NF1: variants seen among roughly 807,000 people sequenced by gnomAD.
NF1 encodes the protein neurofibromin 1.
A neutral mutation model predicts 325.7 loss-of-function variants in NF1; 122 were observed. The observed-to-expected ratio is 0.37, with a 90% confidence interval of 0.32 to 0.44. The LOEUF (loss-of-function observed/expected upper bound fraction) is 0.44. Ranked by LOEUF, NF1 falls within the 20% of genes least tolerant of loss-of-function variation. The pLI, the probability that NF1 is intolerant of heterozygous loss-of-function variation, is 1.00. For synonymous variants in NF1, 1,091 were observed against 1,186.0 expected, an observed-to-expected ratio of 0.92 and a Z score of 1.65; for missense variants, 2,140 against 3,415.4, an observed-to-expected ratio of 0.63 and a Z score of 9.31.
At position 31,376,069 on chromosome 17, in the gene NF1, A is replaced by G. The variant is rs1471342823; in HGVS notation, c.*1914A>G. 8.6e-6 allele frequency: 2 copies of G among 232,874 alleles called. No homozygotes were observed. Among genetic ancestry groups the G allele is most frequent in the African/African-American group, 4.4e-5 (2 of 45,322 alleles). 14.4% of individuals were successfully genotyped at this position (232,874 alleles called of 1,614,324 possible). On this transcript the variant is annotated 3_prime_UTR_variant, in exon 58 of 58. Transcript: ENST00000358273. ...ATGACTATATAAAAAAGCTGAAATT[A>G]GAACTGTGTTTAGAAATAGATCAGT...
chr17:31,176,916 T>C (rs1265733190), intron 5 of NF1, among the ~76,000 whole-genome samples: 1 of 152,190 alleles, frequency 6.6e-6, no homozygotes, highest in East Asian at 1.9e-4. Context: ...TGTAGCCTTG[T>C]ATAGTTTGAA....
chr17:31,352,923 C>A (rs898852881), intron 51 of NF1, among the ~76,000 whole-genome samples: 9 of 151,360 alleles, frequency 5.9e-5, no homozygotes, highest in Admixed American at 2.0e-4. Context: ...TTTTTCTTTT[C>A]TTGATATGAA....
In NF1 at chr17:31,377,313, C is replaced by T. The variant is rs928891740; in HGVS notation, c.*3158C>T. On this transcript the variant is annotated 3_prime_UTR_variant, in exon 58 of 58. Transcript: ENST00000358273. Reference sequence around the variant, plus strand: ...TTTTGTAAAGCAGTTAGTTGCTGCACATGGATAACAACAAAAATTTGATTA... The same window carrying T: ...TTTTGTAAAGCAGTTAGTTGCTGCATATGGATAACAACAAAAATTTGATTA... The T allele has an allele frequency of 3.0e-5, 7 of 233,262 alleles. No homozygotes were observed. The highest frequency in any genetic ancestry group is 8.8e-5 in the African/African-American group (4 of 45,292). The allele number at this position is 233,262 out of a possible 1,614,324, so 14.4% of individuals were successfully genotyped here.
At chr17:31,309,134 C>CA (rs1316950323) in intron 36 of NF1, among the ~76,000 whole-genome samples, 13 of 152,194 alleles carry the variant, frequency 8.5e-5, no homozygotes. Context: ...CTCGAAGTGA[C>CA]AGATTGGGAG....
intron 36 of NF1, among the ~76,000 whole-genome samples, chr17:31,286,101 G>GT (rs958217869): frequency 2.6e-5 from 4 of 151,990 alleles, no homozygotes; most frequent in Non-Finnish European, 4.4e-5. Context: ...CTTTTTTGTT[G>GT]TTTTTTGTTT....
chr17:31,138,672 C>T (rs989498059), intron 1 of NF1, among the ~76,000 whole-genome samples: 20 of 151,426 alleles, frequency 1.3e-4, no homozygotes, highest in African/African-American at 4.6e-4. Context: ...CGGCTCACTG[C>T]AAGCTCCGCC....
intron 4 of NF1, 61 bp from the exon 5 acceptor site, chr17:31,169,830 G>C: frequency 1.4e-5 from 17 of 1,176,086 alleles, no homozygotes; most frequent in Non-Finnish European, 2.2e-5. Flanking sequence ...ACAGGTGTGA[G>C]ATACCACACC....
At chr17:31,192,888 G>T (rs1395295610) in intron 8 of NF1, among the ~76,000 whole-genome samples, 1 of 152,200 alleles carries the variant, frequency 6.6e-6, no homozygotes, top group Non-Finnish European at 1.5e-5. Context: ...GACCCCTTAG[G>T]TAGGAGTTTG....
chr17:31,374,462 G>T lies in NF1; in HGVS notation c.*307G>T. 1 of 467,554 alleles carries T rather than the reference G, an allele frequency of 2.1e-6. No individual in the cohort carries two copies. The highest frequency in any genetic ancestry group is 3.9e-6 in the Non-Finnish European group (1 of 253,478). The allele number at this position is 467,554 out of a possible 1,614,324, so 29.0% of individuals were successfully genotyped here. On this transcript the variant is annotated 3_prime_UTR_variant, in exon 58 of 58. Transcript: ENST00000358273. ...ACTGAGAAATCTCAATTGTAAGAGA[G>T]GATGAATTCTTGAATACTGCTACTA...
chr17:31,339,221 A>C (rs923309216), intron 46 of NF1, among the ~76,000 whole-genome samples: 1 of 152,152 alleles, frequency 6.6e-6, no homozygotes, highest in South Asian at 2.1e-4. Context: ...TAATGAAGTA[A>C]ACAAAATACG....
chr17:31,197,079 C>G (rs544795933), intron 8 of NF1, among the ~76,000 whole-genome samples: 23 of 151,550 alleles, frequency 1.5e-4, no homozygotes, highest in African/African-American at 5.6e-4. Context: ...GAGTCTCGCT[C>G]TGTTGCCCAG....
At chr17:31,191,511 G>A (rs1009058493) in intron 8 of NF1, among the ~76,000 whole-genome samples, 3 of 152,116 alleles carry the variant, frequency 2.0e-5, no homozygotes, top group African/African-American at 7.2e-5. Context: ...CTAAGTGAAA[G>A]AAGCCAGGGT....
intron 5 of NF1, among the ~76,000 whole-genome samples, chr17:31,179,393 C>T (rs1349685657): frequency 3.9e-5 from 6 of 152,128 alleles, no homozygotes; most frequent in East Asian, 1.9e-4. Context: ...GCACTAAATG[C>T]CCACAAGATA....
At chr17:31,151,254 C>T (rs978222953) in intron 1 of NF1, among the ~76,000 whole-genome samples, 11 of 152,026 alleles carry the variant, frequency 7.2e-5, no homozygotes, top group Non-Finnish European at 1.5e-4. Flanking sequence ...ACCATATAGC[C>T]TAGAGGTGTG....
Position 31,265,239 on chromosome 17 carries a change from C to A in NF1, c.4735C>A (p.His1579Asn). The A allele has an allele frequency of 6.2e-7, 1 of 1,611,084 alleles. No homozygotes were observed. Among genetic ancestry groups the A allele is most frequent in the Non-Finnish European group, 8.5e-7 (1 of 1,177,528 alleles). Residue 1579 changes from histidine to asparagine, a missense_variant, in exon 36 of 58, where the codon CAT becomes AAT. Around this residue, in one of 10 missense-constraint regions of NF1, gnomAD observed 103 missense variants for 214.6 expected, o/e 0.48. Coordinates refer to ENST00000358273, the MANE Select transcript of NF1 (RefSeq NM_001042492.3). ...FEEFMTRHQVHEKEEFKALKT... is the reference protein window; with the variant it reads ...FEEFMTRHQVNEKEEFKALKT... ...TTATTTTTCTTTTAGGCATCAGGTACATGAAAAAGAAGAATTCAAGGCTTT... is the reference window on the plus strand; with the variant it reads ...TTATTTTTCTTTTAGGCATCAGGTAAATGAAAAAGAAGAATTCAAGGCTTT...
intron 36 of NF1, among the ~76,000 whole-genome samples, chr17:31,273,129 G>C (rs192565399): frequency 6.6e-6 from 1 of 152,306 alleles, no homozygotes. Context: ...ATTTGGGACA[G>C]TAGAGCAACA....
At chr17:31,295,164 AATT>A (rs753955364) in intron 36 of NF1, 1 of 1,614,112 alleles carries the variant, frequency 6.2e-7, no homozygotes, top group South Asian at 1.1e-5. Context: ...ATTTCAGAGA[AATT>A]ATTTGGCATG....
intron 1 of NF1, among the ~76,000 whole-genome samples, chr17:31,124,787 C>T (rs1003904362): frequency 6.6e-6 from 1 of 150,686 alleles, no homozygotes; most frequent in East Asian, 2.0e-4. Context: ...ATTTTTAGTA[C>T]AGGCGGTGTT....
rs759307070 is a variant in NF1, at chr17:31,350,293, A to G, written c.7432A>G (p.Ile2478Val). 11 of 1,612,954 alleles carry G rather than the reference A, an allele frequency of 6.8e-6. No individual in the cohort carries two copies. Among genetic ancestry groups the G allele is most frequent in the Non-Finnish European group, 9.3e-6 (11 of 1,179,104 alleles). ...MENVPMDTYP[I>V]HHGDPSYRTL... ...AAATGTTCCTATGGATACATATCCC[A>G]TTCATCATGGTGACCCTTCCTATAG... The change falls in exon 50 of 58, where the codon ATT (isoleucine) becomes GTT (valine). Residue 2478 changes from isoleucine (I) to valine (V), a missense_variant. By Grantham distance (29) the Ile-to-Val change is conservative. This residue lies in a region of NF1 where 522 missense variants were observed against 749.0 expected (regional missense o/e 0.70). Coordinates refer to ENST00000358273, the MANE Select transcript of NF1 (RefSeq NM_001042492.3).
Sources: gnomAD v4.1 joint callset for allele counts (sites outside exome capture counted in the v4.1 genomes callset) on GRCh38, gnomAD v4.1.1 for gene constraint, gnomAD v4.1.1 regional missense constraint, MANE v1.5 for transcripts, NCBI Gene and HGNC (gene_info 2026-07-23, HGNC 2026-07-21) for gene names.